The following LIG1 variants were observed in gnomAD, a reference collection of about 807,000 sequenced individuals.
LIG1 encodes DNA ligase 1.
Under a neutral mutation model 115.7 loss-of-function variants are expected in LIG1, and 70 were observed. The observed-to-expected ratio is 0.60, with a 90% CI of 0.50 to 0.74. The LOEUF is 0.74. LIG1 is among the 30% of genes least tolerant of loss of function. LIG1 has a pLI of 0.00. For synonymous variants in LIG1, 487 were observed against 495.3 expected, an observed-to-expected ratio of 0.98 and a Z score of 0.22; for missense variants, 1,115 against 1,225.6, an observed-to-expected ratio of 0.91 and a Z score of 1.35.
rs565159989 is a variant in LIG1, at chr19:48,165,691, C to G, written c.-57-68G>C. Reference sequence around the variant, plus strand: ...CAGAGATCTAAACACACATAAAACCCTTTCTTTAAGAAAGAAAGAAAAAAA... The same window carrying G: ...CAGAGATCTAAACACACATAAAACCGTTTCTTTAAGAAAGAAAGAAAAAAA... On this transcript the variant is annotated intron_variant, in intron 1 of 27. Coordinates refer to ENST00000263274, the MANE Select transcript of LIG1 (RefSeq NM_000234.3). 1,900 of 1,084,150 alleles carry G rather than the reference C, an allele frequency of 1.8e-3. 7 individuals are homozygous for G. The highest frequency in any genetic ancestry group is 2.5e-3 in the Non-Finnish European group (1,813 of 723,752). The allele number at this position is 1,084,150 out of a possible 1,614,324, so 67.2% of individuals were successfully genotyped here.
rs371992237 is a variant in LIG1, at chr19:48,146,373, G to A, written c.777-2410C>T. 1.8e-4 allele frequency among the ~76,000 whole-genome samples: 27 copies of A among 152,238 alleles called. 1 individual carries two copies. The highest frequency in any genetic ancestry group is 5.1e-4 in the African/African-American group (21 of 41,460). ...CCCTGCTGTTCAGCAGAAAGGACAG[G>A]TGGGTTAAAAAGTATGACGCAGTGA... On this transcript the variant is annotated intron_variant, in intron 9 of 27. Transcript: ENST00000263274.
At position 48,143,525 on chromosome 19, in the gene LIG1, G is replaced by T; in HGVS notation, c.914+18C>A. On this transcript the variant is annotated intron_variant, in intron 11 of 27. Transcript: ENST00000263274. ...AGAAGCGACCCCGCCCCCCACCCAG[G>T]CAGTCCTCATTAGTTACCGAGCAGA... 3 of 1,480,262 alleles carry T rather than the reference G, an allele frequency of 2.0e-6. No homozygotes were observed. The highest frequency in any genetic ancestry group is 1.5e-5 in the African/African-American group (1 of 65,794). 91.7% of individuals were successfully genotyped at this position (1,480,262 alleles called of 1,614,324 possible). A position where few individuals can be genotyped will look rare whatever the true frequency, so the allele number is the denominator to read the frequency against.
Position 48,137,180 on chromosome 19 carries a change from C to A in LIG1, c.1255-96G>T. 1 of 1,047,156 alleles carries A rather than the reference C, an allele frequency of 9.5e-7. No homozygotes were observed. 64.9% of individuals were successfully genotyped at this position (1,047,156 alleles called of 1,614,324 possible). ...GCTGCTGCCCTGCATTTTGGAATAC[C>A]TGCCCTCCTTCCCTCACCCCATCCC... On this transcript the variant is annotated intron_variant, in intron 13 of 27. Transcript: ENST00000263274. The surrounding 1 kb of genome is among the most constrained non-coding windows in gnomAD (Gnocchi z 4.3).
intron 9 of LIG1, among the ~76,000 whole-genome samples, chr19:48,146,634 C>A (rs1376025841): frequency 6.6e-6 from 1 of 151,978 alleles, no homozygotes; most frequent in African/African-American, 2.4e-5. Flanking sequence ...GAGCTGAAAT[C>A]GTGCCACTGC....
At chr19:48,149,718 G>A (rs746956639) in intron 9 of LIG1, 45 bp downstream of exon 9, 21 of 1,494,974 alleles carry the variant, frequency 1.4e-5, no homozygotes, top group Middle Eastern at 1.7e-4. Context: ...TGCAGAGAAG[G>A]GAACACATCC....
intron 11 of LIG1, among the ~76,000 whole-genome samples, chr19:48,142,457 A>AAAAACAAAAAAAAAAAAC (rs71181650): frequency 6.8e-6 from 1 of 147,936 alleles, no homozygotes; most frequent in African/African-American, 2.5e-5. Context: ...AAAAAAAAAA[A>AAAAACAAAAAAAAAAAAC]CAGAGTGCTG....
chr19:48,160,233 T>C (rs1405057188), intron 4 of LIG1, among the ~76,000 whole-genome samples: 1 of 152,130 alleles, frequency 6.6e-6, no homozygotes, highest in Non-Finnish European at 1.5e-5. Context: ...TGGCAGCAAA[T>C]GGGAAGCTAA....
chr19:48,145,213 G>GT (rs2035043948), intron 9 of LIG1, among the ~76,000 whole-genome samples: 1 of 152,052 alleles, frequency 6.6e-6, no homozygotes, highest in African/African-American at 2.4e-5. Flanking sequence ...CCTTTATATC[G>GT]TAAGTAGCTC....
chr19:48,158,512 C>T (rs1305464839), intron 4 of LIG1, among the ~76,000 whole-genome samples: 1 of 152,234 alleles, frequency 6.6e-6, no homozygotes. Context: ...GGCCCTGTGC[C>T]AGTTATTAAG....
At chr19:48,158,199 G>C (rs1413449187) in intron 4 of LIG1, among the ~76,000 whole-genome samples, 1 of 152,156 alleles carries the variant, frequency 6.6e-6, no homozygotes, top group Non-Finnish European at 1.5e-5. Context: ...AAATTAACTG[G>C]TCTGAAGTAT....
At chr19:48,132,900 G>C in intron 18 of LIG1, 82 bp downstream of exon 18, 1 of 1,014,196 alleles carries the variant, frequency 9.9e-7, no homozygotes, top group Non-Finnish European at 1.6e-6. Flanking sequence ...AGGCCGGCTT[G>C]AAGCTCAGGC....
chr19:48,150,370 G>T (rs1400414076), intron 7 of LIG1, among the ~76,000 whole-genome samples, 160 bp from the exon 8 acceptor site: 1 of 152,074 alleles, frequency 6.6e-6, no homozygotes, highest in Non-Finnish European at 1.5e-5. Context: ...TCTCAGGCCT[G>T]CTGTCTACTC....
intron 11 of LIG1, among the ~76,000 whole-genome samples, chr19:48,142,746 T>A (rs2034853877): frequency 6.6e-6 from 1 of 152,018 alleles, no homozygotes; most frequent in Non-Finnish European, 1.5e-5. Context: ...TGGGTTCAAG[T>A]GATTCTCGTA....
At position 48,135,620 on chromosome 19, in the gene LIG1, C is replaced by T. The variant is rs138080214; in HGVS notation, c.1523+60G>A. On this transcript the variant is annotated intron_variant, in intron 16 of 27. Coordinates refer to ENST00000263274, the MANE Select transcript of LIG1 (RefSeq NM_000234.3). The stretch of plus-strand genomic sequence containing the variant: ...CCCACCCACTGCTCCTCTGGCTCCA[C>T]CCCCACCCTGGCACTCTGCCCACAG... The T allele has an allele frequency of 4.7e-5, 63 of 1,352,672 alleles. 1 individual carries two copies. The East Asian group carries it at 1.4e-3, about 30-fold the overall frequency. The allele number at this position is 1,352,672 out of a possible 1,614,324, so 83.8% of individuals were successfully genotyped here. A position where few individuals can be genotyped will look rare whatever the true frequency, so the allele number is the denominator to read the frequency against.
intron 9 of LIG1, among the ~76,000 whole-genome samples, chr19:48,148,668 G>T (rs1002955338): frequency 2.0e-5 from 3 of 148,402 alleles, no homozygotes; most frequent in Non-Finnish European, 3.0e-5. Context: ...TGGCAGAGAT[G>T]GGGGGGTGAC....
At chr19:48,150,537 C>A (rs776518469) in intron 7 of LIG1, among the ~76,000 whole-genome samples, 1 of 152,144 alleles carries the variant, frequency 6.6e-6, no homozygotes, top group Admixed American at 6.5e-5. Context: ...AAAATTCTCC[C>A]GGCAAGTGTT....
chr19:48,165,453 G>A, intron 2 of LIG1, 97 bp downstream of exon 2: 1 of 1,043,108 alleles, frequency 9.6e-7, no homozygotes. Flanking sequence ...TAACGTAAGA[G>A]TTTTTGTTTG....
Position 48,115,596 on chromosome 19 carries a change from C to T in LIG1, c.*53G>A, listed in dbSNP as rs1206413199. The T allele has an allele frequency of 8.9e-6, 12 of 1,341,432 alleles. No individual in the cohort carries two copies. The highest frequency in any genetic ancestry group is 1.4e-5 in the African/African-American group (1 of 69,344). The allele number at this position is 1,341,432 out of a possible 1,614,324, so 83.1% of individuals were successfully genotyped here. ...GCTAAAAAGCAAAGGCAATAATAAC[C>T]CTGGGGTCCGTCCAACTCATGCCCT... On this transcript the variant is annotated 3_prime_UTR_variant, in exon 28 of 28. Transcript: ENST00000263274.
At chr19:48,127,598 G>A in intron 20 of LIG1, 1 of 609,666 alleles carries the variant, frequency 1.6e-6, no homozygotes, top group South Asian at 1.9e-5. Context: ...CAGTGACATG[G>A]CACAGTTCTG....
Sources: gnomAD v4.1 joint callset for allele counts (sites outside exome capture counted in the v4.1 genomes callset) on GRCh38, gnomAD v4.1.1 for gene constraint, Gnocchi (gnomAD v3.1) non-coding constraint, MANE v1.5 for transcripts, NCBI Gene and HGNC (gene_info 2026-07-23, HGNC 2026-07-21) for gene names.